Variants in CREBRF observed in about 807,000 individuals in gnomAD.
CREBRF encodes the protein UPF0474 protein C5orf41.
In CREBRF, 5 loss-of-function variants were observed where a neutral mutation model predicts 66.1. The ratio of observed to expected loss-of-function variants is 0.08; its 90% CI spans 0.04 to 0.16. CREBRF has a LOEUF of 0.16. CREBRF is among the 10% of genes least tolerant of loss of function. The pLI is 1.00. For missense variants in CREBRF, 531 were observed against 744.9 expected (o/e 0.71, Z 3.34); for synonymous variants, 229 against 264.4 (o/e 0.87, Z 1.30).
In CREBRF at chr5:173,090,937, G is replaced by A; in HGVS notation, c.758G>A (p.Ser253Asn). ...GTGCAACAGAGCCGGCCCTTGTTGAGCCAGATTCACACAGATGCAGCAAAG... is the reference window on the plus strand; with the variant it reads ...GTGCAACAGAGCCGGCCCTTGTTGAACCAGATTCACACAGATGCAGCAAAG... ...NPVQQSRPLL[S>N]QIHTDAAKEN... Residue 253 changes from serine (S) to asparagine (N), a missense_variant, in exon 4 of 9, where the codon AGC becomes AAC. Ser to Asn is a conservative substitution (Grantham distance 46). Around this residue, in one of 5 missense-constraint regions of CREBRF, gnomAD observed 309 missense variants for 341.4 expected, o/e 0.90. Transcript: ENST00000296953. This position sits in a 1 kb window ranked among gnomAD's most constrained non-coding sequence, Gnocchi z 4.5. 1 of 1,614,192 alleles carries A rather than the reference G, an allele frequency of 6.2e-7. No individual in the cohort carries two copies. The highest frequency in any genetic ancestry group is 8.5e-7 in the Non-Finnish European group (1 of 1,180,038).
At chr5:173,128,116 TTTC>T (rs1344115962) in intron 8 of CREBRF, among the ~76,000 whole-genome samples, 3 of 152,172 alleles carry the variant, frequency 2.0e-5, no homozygotes, top group African/African-American at 7.2e-5. Context: ...GCCTTTGAAT[TTTC>T]TTCTTAGAGC....
At position 173,090,504 on chromosome 5, in the gene CREBRF, A is replaced by T; in HGVS notation, c.325A>T (p.Ile109Phe). The T allele has an allele frequency of 1.2e-6, 2 of 1,613,442 alleles. No individual in the cohort carries two copies. The highest frequency in any genetic ancestry group is 1.7e-6 in the Non-Finnish European group (2 of 1,179,338). The change falls in exon 4 of 9, where the codon ATC (isoleucine) becomes TTC (phenylalanine). Residue 109 changes from isoleucine (I) to phenylalanine (F), a missense_variant. By Grantham distance (21) the Ile-to-Phe change is conservative. Transcript: ENST00000296953. This position sits in a 1 kb window ranked among gnomAD's most constrained non-coding sequence, Gnocchi z 4.5. ...TKYTKLTSCD[I>F]WGTKEVDYLG... ...ATATACCAAACTAACCAGCTGTGAC[A>T]TCTGGGGAACAAAAGAAGTGGATTA...
In CREBRF at chr5:173,134,350, G is replaced by T. The variant is rs1324682896; in HGVS notation, c.*605G>T. ...AAAAAAAGCATATTCTTTGTGCCTT[G>T]TATTTTGGGGAAACTCTAAAACTGG... is the stretch of plus-strand genomic sequence containing the variant. On this transcript the variant is annotated 3_prime_UTR_variant, in exon 9 of 9. Transcript: ENST00000296953. The T allele has an allele frequency of 3.4e-6, 1 of 296,474 alleles. No individual in the cohort carries two copies. Among genetic ancestry groups the T allele is most frequent in the Non-Finnish European group, 6.8e-6 (1 of 146,988 alleles). 18.4% of individuals were successfully genotyped at this position (296,474 alleles called of 1,614,324 possible).
At chr5:173,102,258 G>A (rs549287395) in intron 4 of CREBRF, among the ~76,000 whole-genome samples, 11 of 152,158 alleles carry the variant, frequency 7.2e-5, no homozygotes, top group Non-Finnish European at 1.2e-4. Context: ...TTCTTCCTTT[G>A]CTAGTGTCAT....
intron 4 of CREBRF, among the ~76,000 whole-genome samples, chr5:173,103,528 GT>G (rs1330501037): frequency 6.6e-6 from 1 of 152,188 alleles, no homozygotes; most frequent in Non-Finnish European, 1.5e-5. Context: ...GGATTGATTG[GT>G]TTAATTTATA....
At chr5:173,062,337 TA>T (rs1285076559) in intron 1 of CREBRF, among the ~76,000 whole-genome samples, 3 of 152,184 alleles carry the variant, frequency 2.0e-5, no homozygotes, top group Admixed American at 6.6e-5. Flanking sequence ...TTGAACTGTT[TA>T]AATGAATGCA....
chr5:173,126,530 C>CCCTTCACTTCTGACTGTGGGCT, intron 8 of CREBRF, among the ~76,000 whole-genome samples: 1 of 152,096 alleles, frequency 6.6e-6, no homozygotes, highest in Non-Finnish European at 1.5e-5. Flanking sequence ...AACTGTGGGC[C>CCCTTCACTTCTGACTGTGGGCT]CCTTCACTTC....
chr5:173,086,049 A>T (rs1758135235), intron 2 of CREBRF: 2 of 1,012,156 alleles, frequency 2.0e-6, no homozygotes, highest in African/African-American at 1.6e-5. Flanking sequence ...CAGTATCAAA[A>T]ATCCAAGAGT....
chr5:173,069,841 A>G (rs1757546650), intron 1 of CREBRF, among the ~76,000 whole-genome samples: 1 of 152,170 alleles, frequency 6.6e-6, no homozygotes, highest in Admixed American at 6.5e-5. Context: ...GAATTTGAAT[A>G]TATCTCTAGT....
intron 7 of CREBRF, 58 bp downstream of exon 7, chr5:173,112,437 T>G (rs1269358260): frequency 1.7e-6 from 2 of 1,203,386 alleles, no homozygotes; most frequent in Admixed American, 4.3e-5. Context: ...GACCACTCTC[T>G]CTTTTCTTTG....
At chr5:173,130,537 T>A in intron 8 of CREBRF, among the ~76,000 whole-genome samples, 1 of 151,848 alleles carries the variant, frequency 6.6e-6, no homozygotes, top group Admixed American at 6.6e-5. Context: ...TGCTTTTTTT[T>A]TTTTTAGAAA....
rs1759598962 is a variant in CREBRF at position 173,136,957 on chromosome 5, T to G, written c.*3212T>G. 8.0e-6 allele frequency: 1 copy of G among 124,750 alleles called. No homozygotes were observed. The highest frequency in any genetic ancestry group is 1.9e-5 in the Non-Finnish European group (1 of 53,154). 7.7% of individuals were successfully genotyped at this position (124,750 alleles called of 1,614,324 possible). On this transcript the variant is annotated 3_prime_UTR_variant, in exon 9 of 9. Transcript: ENST00000296953. Reference sequence around the variant, plus strand: ...ACTTTGACTCTAGTACTACTATGATTTAAAAAAAAAAAAAACCAACAAAAA... The same window carrying G: ...ACTTTGACTCTAGTACTACTATGATGTAAAAAAAAAAAAAACCAACAAAAA...
Position 173,136,437 on chromosome 5 carries a change from A to G in CREBRF, c.*2692A>G, listed in dbSNP as rs1009869189. The G allele has an allele frequency of 6.6e-6, 1 of 152,444 alleles. No homozygotes were observed. The highest frequency in any genetic ancestry group is 1.5e-5 in the Non-Finnish European group (1 of 67,924). 9.4% of individuals were successfully genotyped at this position (152,444 alleles called of 1,614,324 possible). A position where few individuals can be genotyped will look rare whatever the true frequency, so the allele number is the denominator to read the frequency against. On this transcript the variant is annotated 3_prime_UTR_variant, in exon 9 of 9. Transcript: ENST00000296953. ...AATTGCATTTTATATGATTCCTGCC[A>G]TTTGCTGCTAAATCTGGGCTGGTCA...
At chr5:173,064,051 T>G (rs1376377946) in intron 1 of CREBRF, among the ~76,000 whole-genome samples, 1 of 152,108 alleles carries the variant, frequency 6.6e-6, no homozygotes, top group African/African-American at 2.4e-5. Context: ...ACTAGTGTGA[T>G]AGTAAAGCTT....
At chr5:173,115,901 C>G (rs1053065772) in intron 7 of CREBRF, among the ~76,000 whole-genome samples, 1 of 152,212 alleles carries the variant, frequency 6.6e-6, no homozygotes, top group African/African-American at 2.4e-5. Flanking sequence ...TGAGCCACCG[C>G]GCCCGGCCCC....
At chr5:173,110,460 G>T (rs770540938) in intron 5 of CREBRF, 62 bp from the exon 6 acceptor site, 2 of 1,251,880 alleles carry the variant, frequency 1.6e-6, no homozygotes, top group Admixed American at 3.4e-5. Flanking sequence ...ATGTGGCCGT[G>T]AAAAACGTGT....
intron 4 of CREBRF, among the ~76,000 whole-genome samples, chr5:173,100,336 G>A (rs1466204744): frequency 1.3e-5 from 2 of 151,412 alleles, no homozygotes; most frequent in East Asian, 1.9e-4. Context: ...AGCATTAAAA[G>A]TGTTTTGCAT....
intron 3 of CREBRF, among the ~76,000 whole-genome samples, chr5:173,087,650 C>T (rs984466398): frequency 6.0e-5 from 9 of 150,114 alleles, no homozygotes; most frequent in Non-Finnish European, 1.0e-4. Flanking sequence ...GAGCCAAGAT[C>T]GCCCCATAGC....
chr5:173,059,829 C>G (rs1757213198), intron 1 of CREBRF, among the ~76,000 whole-genome samples: 1 of 152,120 alleles, frequency 6.6e-6, no homozygotes, highest in South Asian at 2.1e-4. Flanking sequence ...ACTGGTATAT[C>G]AGCTTTGGGT....
Sources: allele counts gnomAD v4.1 joint callset (sites outside exome capture counted in the v4.1 genomes callset), GRCh38; gene constraint gnomAD v4.1.1; regional missense constraint gnomAD v4.1.1; non-coding constraint Gnocchi (gnomAD v3.1); transcripts MANE v1.5; gene names NCBI Gene and HGNC (gene_info 2026-07-23, HGNC 2026-07-21).